BZW2: variants seen among roughly 807,000 people sequenced by gnomAD.
BZW2 encodes the protein eIF5-mimic protein 1.
Under a neutral mutation model 53.2 loss-of-function variants are expected in BZW2, and 23 were observed. The observed-to-expected ratio is 0.43, with a 90% confidence interval of 0.31 to 0.61. The LOEUF is 0.61. Among genes scored for constraint, BZW2 ranks in the 20% least tolerant of loss-of-function variants. BZW2 has a pLI of 0.09. For missense variants in BZW2, 409 were observed against 503.1 expected (o/e 0.81, Z 1.79); for synonymous variants, 227 against 186.4 (o/e 1.22, Z -1.77).
chr7:16,687,740 G>T (rs1783171758), intron 6 of BZW2, among the ~76,000 whole-genome samples: 1 of 151,888 alleles, frequency 6.6e-6, no homozygotes, highest in Non-Finnish European at 1.5e-5. Context: ...AAGAAATAAA[G>T]AAAATGGTTA....
intron 3 of BZW2, among the ~76,000 whole-genome samples, chr7:16,679,597 G>C (rs1345803466): frequency 2.0e-5 from 3 of 152,208 alleles, no homozygotes; most frequent in Non-Finnish European, 4.4e-5. Flanking sequence ...TGCCTGCTAA[G>C]AAAGGTGGCT....
intron 3 of BZW2, among the ~76,000 whole-genome samples, chr7:16,674,874 C>T (rs1033552432): frequency 6.6e-6 from 1 of 152,076 alleles, no homozygotes; most frequent in East Asian, 1.9e-4. Flanking sequence ...TGTCCCTAAT[C>T]TTTCAGTGTT....
intron 2 of BZW2, among the ~76,000 whole-genome samples, chr7:16,666,389 T>TTTTTTTTATTTATTTA (rs1554265406): frequency 6.9e-6 from 1 of 145,926 alleles, no homozygotes; most frequent in Non-Finnish European, 1.5e-5. Flanking sequence ...TATAAAAGAC[T>TTTTTTTTATTTATTTA]TTTATTTATT....
Position 16,681,347 on chromosome 7 carries a change from C to CA in BZW2, c.284dup (p.Asn95LysfsTer9). On this transcript the variant is annotated frameshift_variant, in exon 4 of 12. Coordinates refer to ENST00000258761, the MANE Select transcript of BZW2 (RefSeq NM_014038.3). LOFTEE classifies it high-confidence loss of function. ...ATGATGGTGACAAGACCAAGATGAC[C>CA]AACCACTGTGTGTTTTCAGCAAATG... The CA allele has an allele frequency of 6.2e-7, 1 of 1,613,986 alleles. No individual in the cohort carries two copies. The highest frequency in any genetic ancestry group is 1.7e-5 in the Admixed American group (1 of 59,988).
intron 10 of BZW2, among the ~76,000 whole-genome samples, chr7:16,699,456 C>A (rs1320041010): frequency 2.0e-5 from 3 of 152,184 alleles, no homozygotes; most frequent in African/African-American, 7.2e-5. Flanking sequence ...ATTTGTAAAA[C>A]TGGCAGAGAG....
Position 16,687,184 on chromosome 7 carries a change from C to G in BZW2, c.541+1144C>G, listed in dbSNP as rs921261660. On this transcript the variant is annotated intron_variant, in intron 6 of 11. Coordinates refer to ENST00000258761, the MANE Select transcript of BZW2 (RefSeq NM_014038.3). ...TTAGGTGGATAGATATCTGATAAAG[C>G]AAATACGGCAAAATATTAGTTATAG... The G allele has an allele frequency of 2.0e-5, 3 of 152,046 alleles. No individual in the cohort carries two copies. The South Asian group carries it at 6.2e-4, about 32-fold the overall frequency. The allele number at this position is 152,046 out of a possible 1,614,324, so 9.4% of individuals were successfully genotyped here. A position where few individuals can be genotyped will look rare whatever the true frequency, so the allele number is the denominator to read the frequency against.
At chr7:16,676,553 A>G (rs554878706) in intron 3 of BZW2, among the ~76,000 whole-genome samples, 10 of 150,590 alleles carry the variant, frequency 6.6e-5, no homozygotes, top group African/African-American at 2.5e-4. Flanking sequence ...TTTATCAAAA[A>G]TTATGAGTTC....
intron 1 of BZW2, among the ~76,000 whole-genome samples, chr7:16,651,250 T>G (rs549425971): frequency 6.6e-6 from 1 of 152,330 alleles, no homozygotes; most frequent in South Asian, 2.1e-4. Context: ...ATGAGAACTT[T>G]AAAAAATATA....
At chr7:16,685,862 T>A in intron 5 of BZW2, 43 bp from the exon 6 acceptor site, 1 of 1,476,890 alleles carries the variant, frequency 6.8e-7, no homozygotes, top group Non-Finnish European at 8.9e-7. Flanking sequence ...TCCTTTTTTT[T>A]TCTTTTTCTT....
Position 16,681,373 on chromosome 7 carries a change from A to G in BZW2, c.308A>G (p.Glu103Gly), listed in dbSNP as rs1157402260. The G allele has an allele frequency of 6.8e-6, 11 of 1,613,980 alleles. No homozygotes were observed. Among genetic ancestry groups the G allele is most frequent in the Non-Finnish European group, 9.3e-6 (11 of 1,179,966 alleles). ...MTNHCVFSAN[E>G]DHETIRNYAQ... is the part of the protein sequence containing the mutation. Reference sequence around the variant, plus strand: ...AACCACTGTGTGTTTTCAGCAAATGAAGATCATGAAACCATCCGAAACTAT... The same window carrying G: ...AACCACTGTGTGTTTTCAGCAAATGGAGATCATGAAACCATCCGAAACTAT... Residue 103 changes from glutamate (E) to glycine (G), a missense_variant, in exon 4 of 12, where the codon GAA (glutamate) becomes GGA (glycine). Physicochemically the swap from Glu to Gly is moderately conservative, Grantham distance 98. Transcript: ENST00000258761.
At chr7:16,674,200 T>C (rs962642933) in intron 2 of BZW2, among the ~76,000 whole-genome samples, 3 of 152,130 alleles carry the variant, frequency 2.0e-5, no homozygotes, top group Admixed American at 6.6e-5. Flanking sequence ...GCGCCCGGCC[T>C]ACAGTAACTT....
At chr7:16,675,905 C>T (rs1040646947) in intron 3 of BZW2, among the ~76,000 whole-genome samples, 1 of 152,022 alleles carries the variant, frequency 6.6e-6, no homozygotes, top group African/African-American at 2.4e-5. Flanking sequence ...CATGGTGAAA[C>T]CCCGTGTCTA....
rs765119480 is a variant in BZW2, at chr7:16,704,644, T to C, written c.1206T>C (p.Val402=). ...TTCTTGACCAGATGAAGAAATTTGT[T>C]GAGTGGTTACAAAATGCAGAAGAAG... is the stretch of plus-strand genomic sequence containing the variant. ...SVFLDQMKKF[V]EWLQNAEEES... The change falls in exon 11 of 12, where the codon GTT becomes GTC. Residue 402 remains valine, a synonymous_variant. Transcript: ENST00000258761. 5 of 1,590,420 alleles carry C rather than the reference T, an allele frequency of 3.1e-6. No individual in the cohort carries two copies. In the African/African-American group the frequency reaches 6.7e-5, roughly 21 times the overall value.
Position 16,673,674 on chromosome 7 carries a change from C to A in BZW2, c.59-738C>A, listed in dbSNP as rs186765816. ...AGAGTTTTTGGGTTAGGATCCAAAA[C>A]TTTGGAATTAGGGTTCCAAAGTTTA... On this transcript the variant is annotated intron_variant, in intron 2 of 11. Coordinates refer to ENST00000258761, the MANE Select transcript of BZW2 (RefSeq NM_014038.3). Among the ~76,000 whole-genome samples, 1,247 of 152,126 alleles carry A rather than the reference C, an allele frequency of 8.2e-3. 23 individuals carry two copies. Among genetic ancestry groups the A allele is most frequent in the African/African-American group, 0.029 (1,188 of 41,492 alleles).
At chr7:16,686,074 A>G (rs1439353338) in intron 6 of BZW2, 34 bp downstream of exon 6, 2 of 1,607,122 alleles carry the variant, frequency 1.2e-6, no homozygotes, top group East Asian at 2.2e-5. Flanking sequence ...CCTGTCAGAC[A>G]ACAAAAGAAA....
chr7:16,695,465 A>G (rs1241645507), intron 8 of BZW2, among the ~76,000 whole-genome samples: 1 of 152,236 alleles, frequency 6.6e-6, no homozygotes, highest in Admixed American at 6.5e-5. Flanking sequence ...AATTCCTGTC[A>G]TGGGAAAAGA....
chr7:16,682,921 G>C, intron 5 of BZW2, 76 bp downstream of exon 5: 1 of 1,015,624 alleles, frequency 9.8e-7, no homozygotes, highest in East Asian at 2.9e-5. Context: ...TAAGTGGCCG[G>C]ACACGGTGGC....
intron 6 of BZW2, among the ~76,000 whole-genome samples, chr7:16,689,380 A>G (rs17169590): frequency 0.034 from 5,232 of 152,314 alleles, 179 homozygotes; most frequent in African/African-American, 0.089. Context: ...AAATTACTTG[A>G]TAAAGGTGAC....
chr7:16,698,363 G>A lies in BZW2; in HGVS notation c.1108+177G>A, dbSNP rs572577043. 1.5e-4 allele frequency: 115 copies of A among 785,034 alleles called. No individual in the cohort carries two copies. The African/African-American group carries it at 1.8e-3, about 12-fold the overall frequency. The allele number at this position is 785,034 out of a possible 1,614,324, so 48.6% of individuals were successfully genotyped here. A position where few individuals can be genotyped will look rare whatever the true frequency, so the allele number is the denominator to read the frequency against. ...CCATGTAGAGAGAGGAGGCATACAC[G>A]CCATATATGCGTTGCCTTGGAAACC... On this transcript the variant is annotated intron_variant, in intron 10 of 11. Transcript: ENST00000258761.
Sources: allele counts gnomAD v4.1 joint callset (sites outside exome capture counted in the v4.1 genomes callset), GRCh38; gene constraint gnomAD v4.1.1; transcripts MANE v1.5; gene names NCBI Gene and HGNC (gene_info 2026-07-23, HGNC 2026-07-21).